RTN4: variants seen among roughly 807,000 people sequenced by gnomAD.
RTN4 encodes reticulon 4.
In RTN4, 32 loss-of-function variants were observed where a neutral mutation model predicts 90.4. The ratio of observed to expected loss-of-function variants is 0.35; its 90% CI spans 0.27 to 0.48. The LOEUF (loss-of-function observed/expected upper bound fraction) is 0.48. Among genes scored for constraint, RTN4 ranks in the 20% least tolerant of loss-of-function variants. RTN4 has a pLI of 0.99. For missense variants in RTN4, 1,706 were observed against 1,430.2 expected, an observed-to-expected ratio of 1.19 and a Z score of -3.11; for synonymous variants, 629 against 552.5, an observed-to-expected ratio of 1.14 and a Z score of -1.94.
the RTN4 span, among the ~76,000 whole-genome samples, chr2:55,119,998 C>T: frequency 2.0e-5 from 3 of 152,194 alleles, no homozygotes; most frequent in East Asian, 5.8e-4. Flanking sequence ...TGGAAAAAAG[C>T]GCAGTCATTG....
chr2:55,054,645 C>T (rs150857639), upstream of RTN4, among the ~76,000 whole-genome samples: 658 of 152,102 alleles, frequency 4.3e-3, 8 homozygotes, highest in African/African-American at 0.015. Flanking sequence ...AGAGTGGGTT[C>T]GGTAAGAGAA....
At position 55,070,934 on chromosome 2, in the gene RTN4, G is replaced by A. The variant is rs539101082; in HGVS notation, c.-63+9555C>T. Among the ~76,000 whole-genome samples the A allele has an allele frequency of 3.4e-4, 51 of 151,884 alleles. 1 individual carries two copies. Among genetic ancestry groups the A allele is most frequent in the African/African-American group, 1.2e-3 (48 of 41,414 alleles). On this transcript the variant is annotated intron_variant, in intron 2 of 3. Transcript: ENST00000427710. ...TGGGACTACAGGTGCCCACCACCAC[G>A]CCTGGCTAATTTTTTGTATTTTTAT...
chr2:55,132,684 T>C, the RTN4 span, among the ~76,000 whole-genome samples: 8 of 151,472 alleles, frequency 5.3e-5, 1 homozygote, highest in East Asian at 1.4e-3. Context: ...TGATGGTGCA[T>C]GTGCCTGCAA....
intron 3 of RTN4, among the ~76,000 whole-genome samples, chr2:55,000,532 A>G (rs1679779725): frequency 1.3e-5 from 2 of 152,202 alleles, no homozygotes; most frequent in Non-Finnish European, 2.9e-5. Context: ...ATAATTTTGT[A>G]ATCTCCCAGT....
At chr2:55,070,261 A>AC (rs1187149391) in intron 2 of RTN4, among the ~76,000 whole-genome samples, 5 of 145,798 alleles carry the variant, frequency 3.4e-5, no homozygotes, top group East Asian at 2.1e-4. Context: ...AATCCTCCCC[A>AC]CCCCCCCAAA....
At chr2:55,120,426 G>A in the RTN4 span, among the ~76,000 whole-genome samples, 48 of 151,992 alleles carry the variant, frequency 3.2e-4, no homozygotes, top group African/African-American at 8.9e-4. Flanking sequence ...ACCTTCCTCC[G>A]GCCCAGGCTT....
intron 1 of RTN4, chr2:55,046,952 C>T (rs952049492): frequency 1.3e-5 from 2 of 152,194 alleles, no homozygotes; most frequent in East Asian, 1.9e-4. Flanking sequence ...GCTGTCACCC[C>T]CTGAATCCCT....
At chr2:54,999,729 A>C (rs952890543) in intron 3 of RTN4, among the ~76,000 whole-genome samples, 1 of 152,160 alleles carries the variant, frequency 6.6e-6, no homozygotes, top group Non-Finnish European at 1.5e-5. Flanking sequence ...CACAACCCTT[A>C]ATCAAATTCT....
At chr2:54,986,434 A>G (rs1388895268) in intron 4 of RTN4, among the ~76,000 whole-genome samples, 1 of 152,240 alleles carries the variant, frequency 6.6e-6, no homozygotes, top group Non-Finnish European at 1.5e-5. Context: ...AACCAGCTAC[A>G]TGAATGAGCA....
upstream of RTN4, among the ~76,000 whole-genome samples, chr2:55,113,933 T>C (rs1668080387): frequency 6.6e-6 from 1 of 152,210 alleles, no homozygotes; most frequent in African/African-American, 2.4e-5. Context: ...ACCTGGGTCC[T>C]AGGCAACTAA....
intron 5 of RTN4, among the ~76,000 whole-genome samples, chr2:54,975,265 T>C (rs1476207218): frequency 6.6e-6 from 1 of 152,238 alleles, no homozygotes; most frequent in Non-Finnish European, 1.5e-5. Flanking sequence ...CTCTAGCCTT[T>C]GAAGGATCAG....
At chr2:55,064,706 C>T (rs1668360716) in intron 2 of RTN4, among the ~76,000 whole-genome samples, 3 of 151,826 alleles carry the variant, frequency 2.0e-5, no homozygotes, top group South Asian at 4.2e-4. Context: ...ACAAAAATAC[C>T]GAGACTGTGA....
At chr2:55,062,676 T>G (rs901243420) in intron 2 of RTN4, among the ~76,000 whole-genome samples, 1 of 152,256 alleles carries the variant, frequency 6.6e-6, no homozygotes. Flanking sequence ...ATTGAGGTGA[T>G]GACAGCCTGA....
the RTN4 span, among the ~76,000 whole-genome samples, chr2:55,132,177 C>T: frequency 6.6e-6 from 1 of 152,152 alleles, no homozygotes; most frequent in African/African-American, 2.4e-5. Flanking sequence ...TATGGGGATT[C>T]ATTACACTAT....
Position 54,973,095 on chromosome 2 carries a change from C to T in RTN4, c.*61G>A. The T allele has an allele frequency of 7.1e-7, 1 of 1,399,060 alleles. No homozygotes were observed. Among genetic ancestry groups the T allele is most frequent in the Non-Finnish European group, 1.0e-6 (1 of 992,600 alleles). The allele number at this position is 1,399,060 out of a possible 1,614,324, so 86.7% of individuals were successfully genotyped here. On this transcript the variant is annotated 3_prime_UTR_variant, in exon 9 of 9. Coordinates refer to ENST00000337526, the MANE Select transcript of RTN4 (RefSeq NM_020532.5). Reference sequence around the variant, plus strand: ...AGGTTCGTTCTTCCCTGACCCTCCCCCGTATAATCAAATGAATATCCCCTT... The same window carrying T: ...AGGTTCGTTCTTCCCTGACCCTCCCTCGTATAATCAAATGAATATCCCCTT...
chr2:55,072,344 C>T (rs1668530788), intron 2 of RTN4, among the ~76,000 whole-genome samples: 1 of 152,126 alleles, frequency 6.6e-6, no homozygotes, highest in African/African-American at 2.4e-5. Flanking sequence ...ATTCTCCTGC[C>T]TCAGCCTCCC....
intron 5 of RTN4, among the ~76,000 whole-genome samples, chr2:54,977,962 T>A (rs985033605): frequency 1.3e-5 from 2 of 152,182 alleles, no homozygotes; most frequent in African/African-American, 4.8e-5. Context: ...CCGGTGTTTA[T>A]AAAAGGACTA....
intron 1 of RTN4, among the ~76,000 whole-genome samples, chr2:55,041,245 A>AT (rs1377416251): frequency 2.6e-5 from 4 of 152,120 alleles, no homozygotes; most frequent in Middle Eastern, 3.4e-3. Context: ...TATATGCTAA[A>AT]TTTTTTTTAA....
In RTN4 at chr2:54,997,103, C is replaced by T. The variant is rs539006660; in HGVS notation, c.3014-9405G>A. 1.1e-3 allele frequency among the ~76,000 whole-genome samples: 166 copies of T among 152,242 alleles called. 1 individual carries two copies. Among genetic ancestry groups the T allele is most frequent in the African/African-American group, 3.8e-3 (159 of 41,544 alleles). On this transcript the variant is annotated intron_variant, in intron 3 of 8. Transcript: ENST00000337526. ...AGATACCACACAGAACGAGAGAAAA[C>T]ACTTGCAAACCAATTCTCTGATAAG... is the stretch of plus-strand genomic sequence containing the variant.
Sources: gnomAD v4.1 joint callset for allele counts (sites outside exome capture counted in the v4.1 genomes callset) on GRCh38, gnomAD v4.1.1 for gene constraint, MANE v1.5 for transcripts, NCBI Gene and HGNC (gene_info 2026-07-23, HGNC 2026-07-21) for gene names.